ZNF30: variants seen among roughly 807,000 people sequenced by gnomAD.
ZNF30 encodes the protein zinc finger protein 30 (KOX 28).
In ZNF30, 15 loss-of-function variants were observed where a neutral mutation model predicts 13.2. That is an observed-to-expected ratio of 1.13 (90% CI 0.76 to 1.75). The LOEUF (loss-of-function observed/expected upper bound fraction) is 1.75. Among genes scored for constraint, ZNF30 ranks in the 40% most tolerant of loss-of-function variants. The probability of loss-of-function intolerance (pLI) is 0.00; values close to 1 mark genes in which losing one functional copy is unlikely to be tolerated. For synonymous variants in ZNF30, 223 were observed against 256.6 expected, an observed-to-expected ratio of 0.87 and a Z score of 1.25; for missense variants, 726 against 757.0, an observed-to-expected ratio of 0.96 and a Z score of 0.48.
intron 2 of ZNF30, 123 bp from the exon 3 acceptor site, chr19:34,931,720 C>T (rs1043496672): frequency 1.3e-5 from 12 of 900,810 alleles, no homozygotes; most frequent in African/African-American, 3.4e-5. Flanking sequence ...ATACCATGCT[C>T]ATCCACTTGC....
At chr19:34,934,319 A>G (rs896616142) in intron 4 of ZNF30, among the ~76,000 whole-genome samples, 2 of 152,132 alleles carry the variant, frequency 1.3e-5, no homozygotes, top group Non-Finnish European at 2.9e-5. Flanking sequence ...GCTGGCATAC[A>G]GTGGTGCAAT....
chr19:34,935,147 C>T (rs542414608), intron 4 of ZNF30, among the ~76,000 whole-genome samples: 2 of 151,966 alleles, frequency 1.3e-5, no homozygotes, highest in East Asian at 1.9e-4. Context: ...AGGAGAATGG[C>T]GTGAACCCAG....
At chr19:34,934,876 C>T (rs570724893) in intron 4 of ZNF30, among the ~76,000 whole-genome samples, 26 of 152,164 alleles carry the variant, frequency 1.7e-4, no homozygotes, top group African/African-American at 6.3e-4. Flanking sequence ...CACATGTATA[C>T]CTATGTAACA....
intron 4 of ZNF30, among the ~76,000 whole-genome samples, chr19:34,942,164 C>A (rs193053478): frequency 1.3e-5 from 2 of 152,008 alleles, no homozygotes; most frequent in African/African-American, 4.8e-5. Flanking sequence ...TATAGAAGGC[C>A]GGACTCATTG....
At chr19:34,940,307 A>G (rs1254497307) in intron 4 of ZNF30, among the ~76,000 whole-genome samples, 1 of 152,188 alleles carries the variant, frequency 6.6e-6, no homozygotes, top group Non-Finnish European at 1.5e-5. Context: ...TGGGACCATG[A>G]TTATCCAAAT....
chr19:34,944,453 C>T lies in ZNF30; in HGVS notation c.1487C>T (p.Ala496Val). 6.2e-7 allele frequency: 1 copy of T among 1,613,210 alleles called. No individual in the cohort carries two copies. Among genetic ancestry groups the T allele is most frequent in the Non-Finnish European group, 8.5e-7 (1 of 1,179,836 alleles). Residue 496 changes from alanine (A) to valine (V), a missense_variant, in exon 5 of 5, where the codon GCC (alanine) becomes GTC (valine). Ala to Val is a moderately conservative substitution (Grantham distance 64). Transcript: ENST00000601142. ...CKECGKTFSR[A>V]SYLVQHSRIH... ...GAATGTGGAAAGACTTTTAGTCGAG[C>T]CTCGTACCTTGTACAACATAGCAGA...
chr19:34,933,648 C>T lies in ZNF30; in HGVS notation c.181C>T (p.His61Tyr). Residue 61 changes from histidine to tyrosine, a missense_variant, in exon 4 of 5, where the codon CAT becomes TAT. His to Tyr is a moderately conservative substitution (Grantham distance 83). Coordinates refer to ENST00000601142, the MANE Select transcript of ZNF30 (RefSeq NM_194325.3). ...AGCAGGACATTCCCGTTCTAAACCA[C>T]ATGTGATCGCCTTATTGGAACAATG... ...VSMGHSRSKPHVIALLEQWKE... is the reference protein window; with the variant it reads ...VSMGHSRSKPYVIALLEQWKE... 1 of 1,600,734 alleles carries T rather than the reference C, an allele frequency of 6.2e-7. No homozygotes were observed. Among genetic ancestry groups the T allele is most frequent in the Non-Finnish European group, 8.5e-7 (1 of 1,173,304 alleles).
At chr19:34,933,077 G>GT (rs1042500571) in intron 3 of ZNF30, among the ~76,000 whole-genome samples, 4 of 138,046 alleles carry the variant, frequency 2.9e-5, no homozygotes, top group African/African-American at 7.8e-5. Context: ...ACCGGGCCTG[G>GT]TTTTTTATCA....
intron 4 of ZNF30, among the ~76,000 whole-genome samples, chr19:34,941,156 T>A (rs541723615): frequency 2.6e-5 from 4 of 152,352 alleles, no homozygotes; most frequent in African/African-American, 9.6e-5. Context: ...GGGATTACAA[T>A]GCTAATATGG....
chr19:34,928,827 C>G (rs1349738232), intron 1 of ZNF30, among the ~76,000 whole-genome samples: 2 of 152,036 alleles, frequency 1.3e-5, no homozygotes, highest in Non-Finnish European at 2.9e-5. Flanking sequence ...AACAAACAAA[C>G]AGAAAAATAA....
At chr19:34,927,311 G>A (rs2012130765) in intron 1 of ZNF30, 95 bp downstream of exon 1, 1 of 324,648 alleles carries the variant, frequency 3.1e-6, no homozygotes, top group East Asian at 4.7e-5. Context: ...GTGTGCATCC[G>A]CGAAGACTGG....
intron 4 of ZNF30, among the ~76,000 whole-genome samples, chr19:34,941,453 C>T (rs1461984662): frequency 6.6e-6 from 1 of 152,170 alleles, no homozygotes; most frequent in Non-Finnish European, 1.5e-5. Context: ...TTAGTAGAGA[C>T]AGGGTTTTGC....
chr19:34,933,692 A>C lies in ZNF30; in HGVS notation c.225A>C (p.Thr75=). Residue 75 remains threonine, a synonymous_variant, in exon 4 of 5, where the codon ACA becomes ACC. Transcript: ENST00000601142. The part of the protein sequence containing the change: ...LLEQWKEPEV[T]VRKDGRRWCT... ...AACAATGGAAAGAGCCTGAAGTGAC[A>C]GTGAGGAAAGATGGAAGAAGATGGT... 6.3e-7 allele frequency: 1 copy of C among 1,593,448 alleles called. No homozygotes were observed. Among genetic ancestry groups the C allele is most frequent in the Middle Eastern group, 1.7e-4 (1 of 6,036 alleles).
chr19:34,932,858 G>A (rs1220839482), intron 3 of ZNF30, among the ~76,000 whole-genome samples: 2 of 149,604 alleles, frequency 1.3e-5, no homozygotes, highest in African/African-American at 2.5e-5. Flanking sequence ...TCAGCTCAGC[G>A]CAACCTCCAC....
intron 2 of ZNF30, among the ~76,000 whole-genome samples, chr19:34,930,406 G>A (rs2012384611): frequency 6.6e-6 from 1 of 152,190 alleles, no homozygotes; most frequent in Admixed American, 6.5e-5. Flanking sequence ...TTAAGATTGA[G>A]TGGGGATGTG....
upstream of ZNF30, among the ~76,000 whole-genome samples, chr19:34,926,305 C>T (rs963198319): frequency 2.6e-5 from 4 of 152,168 alleles, no homozygotes; most frequent in Non-Finnish European, 5.9e-5. Flanking sequence ...GCAGCTAATA[C>T]AGAGAGGTGT....
intron 2 of ZNF30, among the ~76,000 whole-genome samples, chr19:34,930,929 T>C (rs2012414094): frequency 6.6e-6 from 1 of 152,114 alleles, no homozygotes; most frequent in Admixed American, 6.5e-5. Flanking sequence ...ACTATCAGCA[T>C]ATTGTTATCA....
In ZNF30 at chr19:34,943,341, T is replaced by C. The variant is rs1433209851; in HGVS notation, c.375T>C (p.Tyr125=). 1.2e-6 allele frequency: 2 copies of C among 1,613,990 alleles called. No homozygotes were observed. Among genetic ancestry groups the C allele is most frequent in the South Asian group, 2.2e-5 (2 of 91,074 alleles). Residue 125 remains tyrosine (Y), a synonymous_variant, in exon 5 of 5, where the codon TAT becomes TAC. Coordinates refer to ENST00000601142, the MANE Select transcript of ZNF30 (RefSeq NM_194325.3). ...AGAAACCACGTGAATGTCAGGAATA[T>C]GGAAAGACCCTTTGTCAAGACTCAA... The part of the protein sequence containing the change: ...SRQKPRECQE[Y]GKTLCQDSKP...
chr19:34,928,240 TATATATATATATATAG>T (rs1568534006), intron 1 of ZNF30, among the ~76,000 whole-genome samples: 24 of 108,832 alleles, frequency 2.2e-4, no homozygotes, highest in Non-Finnish European at 3.5e-4. Context: ...TATATATATA[TATATATATATATATAG>T]ATAGATAGAT....
Sources: allele counts gnomAD v4.1 joint callset (sites outside exome capture counted in the v4.1 genomes callset), GRCh38; gene constraint gnomAD v4.1.1; transcripts MANE v1.5; gene names NCBI Gene and HGNC (gene_info 2026-07-23, HGNC 2026-07-21).